Variants in WDR45B observed in about 807,000 individuals in gnomAD.
WDR45B encodes WD repeat domain 45B, also known as WD repeat domain phosphoinositide-interacting protein 3.
A neutral mutation model predicts 44.6 loss-of-function variants in WDR45B; 20 were observed. The observed-to-expected ratio is 0.45, with a 90% CI of 0.32 to 0.65. The LOEUF is 0.65. Ranked by LOEUF, WDR45B falls within the 30% of genes least tolerant of loss-of-function variation. The pLI is 0.05. For synonymous variants in WDR45B, 169 were observed against 164.9 expected, an observed-to-expected ratio of 1.02 and a Z score of -0.19; for missense variants, 323 against 430.2, an observed-to-expected ratio of 0.75 and a Z score of 2.20.
chr17:82,629,656 C>T (rs770869903), intron 3 of WDR45B: 13 of 985,430 alleles, frequency 1.3e-5, no homozygotes, highest in Non-Finnish European at 1.6e-5. Context: ...ATAAATGTAT[C>T]AGGCAGGGCC....
intron 2 of WDR45B, among the ~76,000 whole-genome samples, chr17:82,642,776 G>C (rs910427364): frequency 7.9e-5 from 12 of 152,260 alleles, no homozygotes; most frequent in African/African-American, 2.9e-4. Context: ...GACAACTGTC[G>C]TGCTGTTAAG....
intron 2 of WDR45B, among the ~76,000 whole-genome samples, chr17:82,632,035 C>T (rs2045774783): frequency 6.6e-6 from 1 of 151,124 alleles, no homozygotes; most frequent in African/African-American, 2.4e-5. Context: ...GAGCCGAGAT[C>T]ACACCACTGC....
chr17:82,625,612 G>T lies in WDR45B; in HGVS notation c.333-129C>A, dbSNP rs2045685489. The T allele has an allele frequency of 5.0e-6, 5 of 992,768 alleles. No homozygotes were observed. The South Asian group carries it at 5.5e-5, about 11-fold the overall frequency. The allele number at this position is 992,768 out of a possible 1,614,324, so 61.5% of individuals were successfully genotyped here. A position where few individuals can be genotyped will look rare whatever the true frequency, so the allele number is the denominator to read the frequency against. The stretch of plus-strand genomic sequence containing the variant: ...CACACAGAAAAGGAGTGTTCCTGAA[G>T]AAAAAGCTCTGGAGGCAGGTAGCCA... On this transcript the variant is annotated intron_variant, in intron 4 of 9. Coordinates refer to ENST00000392325, the MANE Select transcript of WDR45B (RefSeq NM_019613.4).
At chr17:82,617,487 AC>A in intron 7 of WDR45B, 90 bp from the exon 8 acceptor site, 1 of 1,287,996 alleles carries the variant, frequency 7.8e-7, no homozygotes, top group Non-Finnish European at 1.1e-6. Flanking sequence ...ACTGTGGAAC[AC>A]CTCAACATTC....
intron 1 of WDR45B, among the ~76,000 whole-genome samples, chr17:82,645,620 A>G (rs1465139226): frequency 6.6e-6 from 1 of 151,994 alleles, no homozygotes; most frequent in Non-Finnish European, 1.5e-5. Flanking sequence ...TATCTACTAT[A>G]CTCTCAATTC....
chr17:82,638,786 C>G (rs1033884074), intron 2 of WDR45B, among the ~76,000 whole-genome samples: 2 of 152,048 alleles, frequency 1.3e-5, no homozygotes, highest in African/African-American at 4.8e-5. Context: ...TAAAACAACA[C>G]AGAAAAGCAT....
chr17:82,626,960 C>T (rs2045706446), intron 4 of WDR45B: 1 of 554,404 alleles, frequency 1.8e-6, no homozygotes, highest in South Asian at 2.0e-5. Context: ...GGCTGGTCCA[C>T]TGTGGCGCAC....
chr17:82,633,951 C>T (rs1192706874), intron 2 of WDR45B, among the ~76,000 whole-genome samples: 1 of 151,274 alleles, frequency 6.6e-6, no homozygotes, highest in Non-Finnish European at 1.5e-5. Context: ...GAGTTTGAAA[C>T]CAGCTTGGCC....
At chr17:82,632,635 C>T (rs1328355548) in intron 2 of WDR45B, among the ~76,000 whole-genome samples, 1 of 152,148 alleles carries the variant, frequency 6.6e-6, no homozygotes, top group Non-Finnish European at 1.5e-5. Flanking sequence ...ACCATCCACC[C>T]ACCCACTTCT....
At chr17:82,630,538 A>C (rs2045753719) in intron 3 of WDR45B, among the ~76,000 whole-genome samples, 1 of 152,114 alleles carries the variant, frequency 6.6e-6, no homozygotes, top group African/African-American at 2.4e-5. Context: ...CCCAGAGCCC[A>C]AGTGGTGTTT....
intron 1 of WDR45B, among the ~76,000 whole-genome samples, 186 bp downstream of exon 1, chr17:82,648,088 C>G (rs2046004942): frequency 1.3e-5 from 2 of 149,168 alleles, no homozygotes; most frequent in South Asian, 4.5e-4. Flanking sequence ...TGGTCCGGAC[C>G]CCGGCTCGGG....
chr17:82,633,101 T>C (rs2045789192), intron 2 of WDR45B, among the ~76,000 whole-genome samples: 1 of 149,316 alleles, frequency 6.7e-6, no homozygotes, highest in Non-Finnish European at 1.5e-5. Context: ...AGGCAGAGGT[T>C]GCAGTGAGCA....
chr17:82,632,749 C>A (rs1194370201), intron 2 of WDR45B, among the ~76,000 whole-genome samples: 1 of 152,062 alleles, frequency 6.6e-6, no homozygotes, highest in African/African-American at 2.4e-5. Context: ...TCAAGGCAGC[C>A]GGGCACAGTG....
chr17:82,623,828 C>T lies in WDR45B; in HGVS notation c.427+1561G>A, dbSNP rs556597875. Among the ~76,000 whole-genome samples the T allele has an allele frequency of 5.3e-5, 8 of 152,162 alleles. No homozygotes were observed. In the South Asian group the frequency reaches 1.7e-3, roughly 32 times the overall value. On this transcript the variant is annotated intron_variant, in intron 5 of 9. Transcript: ENST00000392325. The stretch of plus-strand genomic sequence containing the variant: ...GAAGAACCACAGGGAAAGATGTCGC[C>T]ACCGCCAGTCCTCAGAGAAATGCAA...
Position 82,621,683 on chromosome 17 carries a change from G to T in WDR45B, c.544C>A (p.Pro182Thr). 6.2e-7 allele frequency: 1 copy of T among 1,614,198 alleles called. No individual in the cohort carries two copies. Among genetic ancestry groups the T allele is most frequent in the Non-Finnish European group, 8.5e-7 (1 of 1,180,030 alleles). Reference sequence around the variant, plus strand: ...CAGCTCAGGACACCCTCGTGTGCAGGAATGTCCACGGGTGGCTTCTCCGTG... The same window carrying T: ...CAGCTCAGGACACCCTCGTGTGCAGTAATGTCCACGGGTGGCTTCTCCGTG... Reference protein sequence around the residue: ...ASTEKPPVDIPAHEGVLSCIA... With the variant: ...ASTEKPPVDITAHEGVLSCIA... Residue 182 changes from proline to threonine, a missense_variant, in exon 6 of 10, where the codon CCT becomes ACT. Coordinates refer to ENST00000392325, the MANE Select transcript of WDR45B (RefSeq NM_019613.4).
chr17:82,621,485 C>G (rs2045615946), intron 6 of WDR45B, 124 bp downstream of exon 6: 1 of 1,267,706 alleles, frequency 7.9e-7, no homozygotes, highest in South Asian at 1.2e-5. Context: ...GGTCCACAGG[C>G]CCCTGAGGGG....
chr17:82,622,943 G>A (rs1454137841), intron 5 of WDR45B, among the ~76,000 whole-genome samples: 2 of 152,134 alleles, frequency 1.3e-5, no homozygotes, highest in East Asian at 1.9e-4. Context: ...GAACCCAGGC[G>A]TGTGCCTCAC....
At chr17:82,637,429 A>G (rs2143348963) in intron 2 of WDR45B, among the ~76,000 whole-genome samples, 1 of 152,074 alleles carries the variant, frequency 6.6e-6, no homozygotes, top group East Asian at 1.9e-4. Flanking sequence ...CTGTGACTAA[A>G]GCAGAAACCG....
At chr17:82,647,912 C>T (rs978661774) in intron 1 of WDR45B, among the ~76,000 whole-genome samples, 2 of 151,106 alleles carry the variant, frequency 1.3e-5, no homozygotes, top group African/African-American at 4.9e-5. Context: ...AGCCAGGGAA[C>T]CCGAGTGGGC....
Sources: allele counts gnomAD v4.1 joint callset (sites outside exome capture counted in the v4.1 genomes callset), GRCh38; gene constraint gnomAD v4.1.1; transcripts MANE v1.5; gene names NCBI Gene and HGNC (gene_info 2026-07-23, HGNC 2026-07-21).